The following PECAM1 variants were observed in gnomAD, a reference collection of about 807,000 sequenced individuals.
PECAM1 encodes platelet endothelial cell adhesion molecule.
Under a neutral mutation model 13.8 loss-of-function variants are expected in PECAM1, and 8 were observed. That is an observed-to-expected ratio of 0.58 (90% CI 0.34 to 1.05). PECAM1 has a LOEUF of 1.05. PECAM1 is among the 50% of genes least tolerant of loss of function. The pLI is 0.03. For synonymous variants in PECAM1, 136 were observed against 52.6 expected (o/e 2.58, Z -6.86); for missense variants, 304 against 141.2 (o/e 2.15, Z -5.84).
intron 8 of PECAM1, 78 bp downstream of exon 8, chr17:64,356,033 C>T: frequency 2.1e-6 from 1 of 473,884 alleles, no homozygotes; most frequent in Non-Finnish European, 3.9e-6. Context: ...CCCCCCAACT[C>T]CCTCTTACAA....
intron 8 of PECAM1, 25 bp downstream of exon 8, chr17:64,356,086 G>A: frequency 6.3e-6 from 3 of 475,184 alleles, no homozygotes; most frequent in Non-Finnish European, 1.2e-5. Flanking sequence ...CCACAGCACA[G>A]CTTGCTATGG....
At chr17:64,340,530 G>A (rs920236681) in intron 14 of PECAM1, among the ~76,000 whole-genome samples, 2,421 of 152,090 alleles carry the variant, frequency 0.016, 62 homozygotes, top group African/African-American at 0.055. Flanking sequence ...TACGTCTTTC[G>A]GATTGCTGAC....
At chr17:64,357,465 C>A (rs1385258827) in intron 7 of PECAM1, among the ~76,000 whole-genome samples, 1 of 152,170 alleles carries the variant, frequency 6.6e-6, no homozygotes, top group Admixed American at 6.5e-5. Flanking sequence ...CCTCAACTAC[C>A]AAAATTCGGA....
intron 10 of PECAM1, among the ~76,000 whole-genome samples, chr17:64,352,816 G>A (rs1018987935): frequency 2.0e-5 from 3 of 151,932 alleles, no homozygotes; most frequent in African/African-American, 4.8e-5. Context: ...CACCACGCCC[G>A]GCTAATTTTT....
intron 4 of PECAM1, among the ~76,000 whole-genome samples, chr17:64,374,227 C>T (rs1035931987): frequency 1.3e-5 from 2 of 152,294 alleles, no homozygotes; most frequent in East Asian, 1.9e-4. Flanking sequence ...CGGTGGCTCA[C>T]GCCTGTAATC....
intron 14 of PECAM1, among the ~76,000 whole-genome samples, chr17:64,335,190 T>C (rs1203166514): frequency 6.6e-6 from 1 of 152,084 alleles, no homozygotes; most frequent in African/African-American, 2.4e-5. Flanking sequence ...ATACCTCATC[T>C]CACAGAGAAG....
Position 64,323,035 on chromosome 17 carries a change from T to A in PECAM1, c.*781A>T. On this transcript the variant is annotated 3_prime_UTR_variant, in exon 16 of 16. Transcript: ENST00000563924. Reference sequence around the variant, plus strand: ...CAAGGAATACATTTTTAAAAATTAGTAAGAAACATACACATTTCAAGTTTT... The same window carrying A: ...CAAGGAATACATTTTTAAAAATTAGAAAGAAACATACACATTTCAAGTTTT... 2 of 984,762 alleles carry A rather than the reference T, an allele frequency of 2.0e-6. No homozygotes were observed. Among genetic ancestry groups the A allele is most frequent in the Non-Finnish European group, 2.4e-6 (2 of 829,302 alleles). 61.0% of individuals were successfully genotyped at this position (984,762 alleles called of 1,614,324 possible).
chr17:64,362,266 C>T (rs1038756672), intron 6 of PECAM1, among the ~76,000 whole-genome samples: 28 of 152,322 alleles, frequency 1.8e-4, no homozygotes, highest in Non-Finnish European at 3.7e-4. Context: ...GCCTGAGAAG[C>T]CCAGCTCCTG....
At position 64,323,854 on chromosome 17, in the gene PECAM1, A is replaced by G; in HGVS notation, c.2188-9T>C. On this transcript the variant is annotated splice_polypyrimidine_tract_variant and intron_variant, in intron 15 of 15. Transcript: ENST00000563924. ...AGGGAGCCTTCCGTTCTCTGTAGCGACAAGAAACAAGGCAAGTTATGATCA... is the reference window on the plus strand; with the variant it reads ...AGGGAGCCTTCCGTTCTCTGTAGCGGCAAGAAACAAGGCAAGTTATGATCA... The G allele has an allele frequency of 1.2e-6, 1 of 802,952 alleles. No individual in the cohort carries two copies. The highest frequency in any genetic ancestry group is 2.3e-6 in the Non-Finnish European group (1 of 438,246). 49.7% of individuals were successfully genotyped at this position (802,952 alleles called of 1,614,324 possible). A position where few individuals can be genotyped will look rare whatever the true frequency, so the allele number is the denominator to read the frequency against.
At chr17:64,388,972 C>T (rs1402847900) in intron 2 of PECAM1, among the ~76,000 whole-genome samples, 1 of 152,046 alleles carries the variant, frequency 6.6e-6, no homozygotes, top group Non-Finnish European at 1.5e-5. Context: ...CTGGTAAAAT[C>T]GGTTATTTCT....
chr17:64,381,621 T>C (rs2036482395), intron 2 of PECAM1, among the ~76,000 whole-genome samples: 1 of 152,186 alleles, frequency 6.6e-6, no homozygotes, highest in Non-Finnish European at 1.5e-5. Context: ...TTCTGAGCAA[T>C]TAATTTAACA....
intron 2 of PECAM1, among the ~76,000 whole-genome samples, chr17:64,389,816 G>GGCCA (rs2036677202): frequency 6.6e-6 from 1 of 152,150 alleles, no homozygotes; most frequent in East Asian, 1.9e-4. Context: ...GGGAGGTGGA[G>GGCCA]GCCAGCGGAT....
rs2034806558 is a variant in PECAM1, at chr17:64,321,282, T to TGG, written c.*2532_*2533dup. 9.1e-6 allele frequency: 2 copies of TGG among 219,466 alleles called. No homozygotes were observed. The highest frequency in any genetic ancestry group is 1.3e-4 in the Admixed American group (2 of 15,288). The allele number at this position is 219,466 out of a possible 1,614,324, so 13.6% of individuals were successfully genotyped here. On this transcript the variant is annotated 3_prime_UTR_variant, in exon 16 of 16. Coordinates refer to ENST00000563924, the MANE Select transcript of PECAM1 (RefSeq NM_000442.5). ...TCCGCGGCCGAGAAAACTCCTGGAG[T>TGG]GGGTGCTCCTGGGATGCTTCAGGTT...
At chr17:64,390,565 G>A (rs2036694499) in intron 1 of PECAM1, 37 bp downstream of exon 1, 1 of 473,612 alleles carries the variant, frequency 2.1e-6, no homozygotes, top group African/African-American at 2.0e-5. Context: ...CGATGCTCAT[G>A]GAGTTAAAGT....
chr17:64,337,378 T>A (rs2143714243), intron 14 of PECAM1, among the ~76,000 whole-genome samples: 1 of 152,314 alleles, frequency 6.6e-6, no homozygotes, highest in African/African-American at 2.4e-5. Flanking sequence ...CACTGAACTC[T>A]ATAGGGCTCA....
At chr17:64,330,238 C>G (rs1011886702) in intron 14 of PECAM1, among the ~76,000 whole-genome samples, 18 of 152,226 alleles carry the variant, frequency 1.2e-4, no homozygotes, top group African/African-American at 4.1e-4. Context: ...AGGGTGGTCT[C>G]GAACTCCTGG....
At chr17:64,389,122 G>A (rs1163260325) in intron 2 of PECAM1, among the ~76,000 whole-genome samples, 1 of 152,202 alleles carries the variant, frequency 6.6e-6, no homozygotes, top group Middle Eastern at 3.2e-3. Context: ...GGCTTTGCCA[G>A]TGGCCAACTA....
At chr17:64,328,590 T>A (rs1405352730) in intron 15 of PECAM1, among the ~76,000 whole-genome samples, 1 of 152,218 alleles carries the variant, frequency 6.6e-6, no homozygotes, top group Non-Finnish European at 1.5e-5. Context: ...ATTCCTCTTT[T>A]CCTTAAATTC....
rs2034805216 is a variant in PECAM1 at position 64,321,207 on chromosome 17, A to G, written c.*2609T>C. ...GGCTAAGGACCATTTTAAGTCCTTC[A>G]GTGACCGATTACCACATGAGAACAC... On this transcript the variant is annotated 3_prime_UTR_variant, in exon 16 of 16. Coordinates refer to ENST00000563924, the MANE Select transcript of PECAM1 (RefSeq NM_000442.5). The G allele has an allele frequency of 6.5e-6, 1 of 152,724 alleles. No individual in the cohort carries two copies. Among genetic ancestry groups the G allele is most frequent in the African/African-American group, 2.4e-5 (1 of 41,450 alleles). 9.5% of individuals were successfully genotyped at this position (152,724 alleles called of 1,614,324 possible).
Sources: allele counts gnomAD v4.1 joint callset (sites outside exome capture counted in the v4.1 genomes callset), GRCh38; gene constraint gnomAD v4.1.1; transcripts MANE v1.5; gene names NCBI Gene and HGNC (gene_info 2026-07-23, HGNC 2026-07-21).